Variants in USP42 observed in about 807,000 individuals in gnomAD.
USP42 encodes the protein ubiquitin carboxyl-terminal hydrolase 42.
Under a neutral mutation model 113.0 loss-of-function variants are expected in USP42, and 23 were observed. The observed-to-expected ratio is 0.20, with a 90% CI of 0.15 to 0.29. USP42 has a LOEUF of 0.29. USP42 is among the 10% of genes least tolerant of loss of function. The pLI, the probability that USP42 is intolerant of heterozygous loss-of-function variation, is 1.00. For synonymous variants in USP42, 933 were observed against 699.0 expected (o/e 1.33, Z -5.28); for missense variants, 2,174 against 1,779.8 (o/e 1.22, Z -3.99).
chr7:6,102,427 G>A (rs1790154986), upstream of USP42, among the ~76,000 whole-genome samples: 1 of 149,346 alleles, frequency 6.7e-6, no homozygotes, highest in Non-Finnish European at 1.5e-5. Flanking sequence ...TAAGATTTAA[G>A]GGGCAGCCTG....
Position 6,159,318 on chromosome 7 carries a change from G to A in USP42, c.3944-132G>A. The A allele has an allele frequency of 8.7e-7, 1 of 1,151,784 alleles. No homozygotes were observed. The allele number at this position is 1,151,784 out of a possible 1,614,324, so 71.3% of individuals were successfully genotyped here. ...CTGGGACATCCCTGCTCACCTCACT[G>A]GGGAGTGGCCTCAGGCGCTCACAGG... On this transcript the variant is annotated intron_variant, in intron 16 of 17. Transcript: ENST00000306177. The surrounding 1 kb of genome is among the most constrained non-coding windows in gnomAD (Gnocchi z 4.1).
In USP42 at chr7:6,115,303, T is replaced by C. The variant is rs1420835844; in HGVS notation, c.242-20T>C. ...GTATGCAAAGCTTGGTTTCTGACTCTTTCTTGTTTATTTTTCTAGCCCTAG... is the reference window on the plus strand; with the variant it reads ...GTATGCAAAGCTTGGTTTCTGACTCCTTCTTGTTTATTTTTCTAGCCCTAG... On this transcript the variant is annotated intron_variant, in intron 2 of 17. Coordinates refer to ENST00000306177, the MANE Select transcript of USP42 (RefSeq NM_032172.3). The C allele has an allele frequency of 6.2e-7, 1 of 1,612,300 alleles. No individual in the cohort carries two copies. Among genetic ancestry groups the C allele is most frequent in the African/African-American group, 1.3e-5 (1 of 74,854 alleles).
At chr7:6,160,254 C>T (rs532727835) in intron 17 of USP42, among the ~76,000 whole-genome samples, 24 of 152,248 alleles carry the variant, frequency 1.6e-4, no homozygotes, top group African/African-American at 5.8e-4. Flanking sequence ...AATGTGTCCT[C>T]AAGGGAGAGG....
the USP42 span, among the ~76,000 whole-genome samples, chr7:6,090,326 AT>A: frequency 7.0e-6 from 1 of 141,906 alleles, no homozygotes; most frequent in African/African-American, 2.7e-5. Flanking sequence ...AAATATATAT[AT>A]ATATTTCTTT....
intron 12 of USP42, among the ~76,000 whole-genome samples, chr7:6,148,558 T>G (rs1356109664): frequency 6.6e-6 from 1 of 152,178 alleles, no homozygotes; most frequent in Non-Finnish European, 1.5e-5. Context: ...CATTTAGTCG[T>G]TTCAGGGGTG....
chr7:6,115,923 A>T (rs751790404), intron 3 of USP42, among the ~76,000 whole-genome samples: 1 of 151,902 alleles, frequency 6.6e-6, no homozygotes, highest in Non-Finnish European at 1.5e-5. Flanking sequence ...ACATAGTAAG[A>T]CCCCATCTCT....
chr7:6,123,262 G>A (rs1780337128), intron 3 of USP42, among the ~76,000 whole-genome samples: 1 of 152,206 alleles, frequency 6.6e-6, no homozygotes, highest in Non-Finnish European at 1.5e-5. Context: ...GATGGCTCAT[G>A]CCTGTAATCC....
At chr7:6,131,422 C>G (rs922085015) in intron 3 of USP42, among the ~76,000 whole-genome samples, 1 of 151,862 alleles carries the variant, frequency 6.6e-6, no homozygotes, top group Non-Finnish European at 1.5e-5. Flanking sequence ...TGCAGTGAGC[C>G]GTGATCCCGC....
chr7:6,144,887 G>T (rs537978638), intron 9 of USP42, among the ~76,000 whole-genome samples: 1 of 151,746 alleles, frequency 6.6e-6, no homozygotes, highest in South Asian at 2.1e-4. Context: ...AAAAAATTAT[G>T]TTCAGAGTTG....
At chr7:6,112,987 TCTGCCTGCTGGGTTCAAGCAATTCTC>T (rs1370022590) in intron 2 of USP42, among the ~76,000 whole-genome samples, 2 of 145,240 alleles carry the variant, frequency 1.4e-5, no homozygotes, top group Non-Finnish European at 3.0e-5. Context: ...CACTGCAATC[TCTGCCTGCTGGGTTCAAGCAATTCTC>T]CTGCCTCAGC....
chr7:6,090,517 C>A, the USP42 span, among the ~76,000 whole-genome samples: 3 of 146,292 alleles, frequency 2.1e-5, no homozygotes, highest in South Asian at 6.3e-4. Context: ...GAGTTTGAGA[C>A]CAACCTGGCT....
intron 3 of USP42, among the ~76,000 whole-genome samples, chr7:6,117,327 T>G (rs947929276): frequency 1.3e-5 from 2 of 152,174 alleles, no homozygotes; most frequent in African/African-American, 4.8e-5. Context: ...TCTCGCTTCT[T>G]TCACTCAGCA....
chr7:6,100,733 T>C (rs144215434), upstream of USP42, among the ~76,000 whole-genome samples: 71 of 148,258 alleles, frequency 4.8e-4, 1 homozygote, highest in East Asian at 0.013. Flanking sequence ...CCCCAGGCTG[T>C]AGTGCAGTGG....
At chr7:6,120,650 C>T (rs142567972) in intron 3 of USP42, among the ~76,000 whole-genome samples, 2 of 152,240 alleles carry the variant, frequency 1.3e-5, no homozygotes, top group Non-Finnish European at 2.9e-5. Context: ...GTGGCACAAT[C>T]TCGGCTCACT....
At position 6,139,076 on chromosome 7, in the gene USP42, T is replaced by C. The variant is rs777186678; in HGVS notation, c.554-16T>C. ...ACGTGTAATGATAAAGCCTTGTCTT[T>C]ACCGAAATTTTACAGGTATAGCTAG... On this transcript the variant is annotated splice_polypyrimidine_tract_variant and intron_variant, in intron 4 of 17. Transcript: ENST00000306177. The surrounding 1 kb of genome is among the most constrained non-coding windows in gnomAD (Gnocchi z 4.5). 1.3e-6 allele frequency: 2 copies of C among 1,578,950 alleles called. No individual in the cohort carries two copies. Among genetic ancestry groups the C allele is most frequent in the East Asian group, 2.3e-5 (1 of 44,430 alleles).
At chr7:6,127,338 C>G (rs1780596502) in intron 3 of USP42, among the ~76,000 whole-genome samples, 2 of 152,220 alleles carry the variant, frequency 1.3e-5, no homozygotes, top group South Asian at 4.1e-4. Context: ...CTTTTAGTGT[C>G]AAGTTTAATA....
chr7:6,126,288 C>CTT (rs56398714), intron 3 of USP42, among the ~76,000 whole-genome samples: 15,249 of 142,756 alleles, frequency 0.11, 892 homozygotes, highest in Non-Finnish European at 0.13. Context: ...GCCACAGTTT[C>CTT]TTTTTTTTTT....
chr7:6,098,954 C>T, the USP42 span, among the ~76,000 whole-genome samples: 9 of 150,410 alleles, frequency 6.0e-5, 1 homozygote, highest in Admixed American at 4.0e-4. Context: ...TGAAGTTCTA[C>T]GGACATTAGA....
At position 6,151,314 on chromosome 7, in the gene USP42, A is replaced by G. The variant is rs541924407; in HGVS notation, c.2201+808A>G. Reference sequence around the variant, plus strand: ...AAAAAAATTGATTTCTTCAATAGTAAACACACCTTAGCTTACTGTAACTTT... The same window carrying G: ...AAAAAAATTGATTTCTTCAATAGTAGACACACCTTAGCTTACTGTAACTTT... On this transcript the variant is annotated intron_variant, in intron 14 of 17. Transcript: ENST00000306177. Among the ~76,000 whole-genome samples the G allele has an allele frequency of 3.0e-4, 45 of 152,352 alleles. No homozygotes were observed. The Middle Eastern group carries it at 0.014, about 46-fold the overall frequency.
Sources: allele counts gnomAD v4.1 joint callset (sites outside exome capture counted in the v4.1 genomes callset), GRCh38; gene constraint gnomAD v4.1.1; non-coding constraint Gnocchi (gnomAD v3.1); transcripts MANE v1.5; gene names NCBI Gene and HGNC (gene_info 2026-07-23, HGNC 2026-07-21).